The following PCNA variants were observed in gnomAD, a reference collection of about 807,000 sequenced individuals.
PCNA encodes the protein DNA sliding clamp PCNA.
Under a neutral mutation model 27.8 loss-of-function variants are expected in PCNA, and 4 were observed. That is an observed-to-expected ratio of 0.14 (90% CI 0.07 to 0.33). The LOEUF is 0.33. Among genes scored for constraint, PCNA ranks in the 10% least tolerant of loss-of-function variants. The pLI is 1.00. For missense variants in PCNA, 165 were observed against 327.4 expected (o/e 0.50, Z 3.83); for synonymous variants, 121 against 119.4 (o/e 1.01, Z -0.09).
chr20:5,120,797 AT>A (rs932431237), upstream of PCNA, among the ~76,000 whole-genome samples: 1 of 152,012 alleles, frequency 6.6e-6, no homozygotes, highest in African/African-American at 2.4e-5. Context: ...CACATTTAAT[AT>A]TTTTTCTTTT....
chr20:5,122,538 A>G (rs546092153), upstream of PCNA, among the ~76,000 whole-genome samples: 3 of 152,336 alleles, frequency 2.0e-5, no homozygotes, highest in East Asian at 3.8e-4. Flanking sequence ...CTCATTTGTA[A>G]GTTTTGATGT....
At chr20:5,115,720 G>C in intron 4 of PCNA, 148 bp from the exon 5 acceptor site, 2 of 570,800 alleles carry the variant, frequency 3.5e-6, no homozygotes, top group Non-Finnish European at 3.0e-6. Context: ...TAAAGCAAAA[G>C]ACTCGATTAT....
At chr20:5,117,052 C>T (rs2090479975) in intron 4 of PCNA, among the ~76,000 whole-genome samples, 1 of 152,196 alleles carries the variant, frequency 6.6e-6, no homozygotes, top group African/African-American at 2.4e-5. Context: ...GGACCCACAA[C>T]ATGTAAGCTA....
Position 5,115,136 on chromosome 20 carries a change from GA to G in PCNA, c.*146del, listed in dbSNP as rs2090466376. On this transcript the variant is annotated 3_prime_UTR_variant, in exon 6 of 6. Coordinates refer to ENST00000379143, the MANE Select transcript of PCNA (RefSeq NM_182649.2). ...CTTTAAACAAATTGCAGAGAATAGA[GA>G]AAAAAATAGGTTATTTACAGAAAAC... 3.4e-6 allele frequency: 2 copies of G among 591,742 alleles called. No homozygotes were observed. The highest frequency in any genetic ancestry group is 1.9e-5 in the African/African-American group (1 of 53,362). The allele number at this position is 591,742 out of a possible 1,614,324, so 36.7% of individuals were successfully genotyped here. A position where few individuals can be genotyped will look rare whatever the true frequency, so the allele number is the denominator to read the frequency against.
chr20:5,122,734 A>G (rs897104425), upstream of PCNA, among the ~76,000 whole-genome samples: 1 of 152,268 alleles, frequency 6.6e-6, no homozygotes, highest in Admixed American at 6.5e-5. Flanking sequence ...CTAAAAACAA[A>G]TGCATATGCT....
rs113108595 is a variant in PCNA, at chr20:5,119,493, A to G, written c.221+85T>C. 445 of 1,115,412 alleles carry G rather than the reference A, an allele frequency of 4.0e-4. 1 individual carries two copies. In the African/African-American group the frequency reaches 6.3e-3, roughly 16 times the overall value. 69.1% of individuals were successfully genotyped at this position (1,115,412 alleles called of 1,614,324 possible). ...AGGCGCGGATGGCCCACGCCAGCCA[A>G]TGAGGGCTAGGCTCGAAAGCGCTCC... is the stretch of plus-strand genomic sequence containing the variant. On this transcript the variant is annotated intron_variant, in intron 1 of 5. Transcript: ENST00000379143.
At chr20:5,125,197 G>A (rs747100835) in intron 1 of PCNA, among the ~76,000 whole-genome samples, 2 of 152,146 alleles carry the variant, frequency 1.3e-5, no homozygotes, top group Non-Finnish European at 2.9e-5. Flanking sequence ...AAAGTTAGCT[G>A]GGTGTGGTGC....
upstream of PCNA, among the ~76,000 whole-genome samples, chr20:5,121,134 A>G (rs570097617): frequency 7.2e-5 from 11 of 152,184 alleles, no homozygotes; most frequent in South Asian, 2.1e-4. Context: ...GAAATTTTCA[A>G]TTGTTACAGG....
chr20:5,119,828 G>C lies in PCNA; in HGVS notation c.-30C>G. ...GCGGAGTGGCAACAACGCCGCTACA[G>C]GCAGGCGGGAAGGAGGAAAGTCTAG... On this transcript the variant is annotated 5_prime_UTR_variant, in exon 1 of 6. Coordinates refer to ENST00000379143, the MANE Select transcript of PCNA (RefSeq NM_182649.2). 1.3e-6 allele frequency: 2 copies of C among 1,520,702 alleles called. No individual in the cohort carries two copies. Among genetic ancestry groups the C allele is most frequent in the Non-Finnish European group, 1.8e-6 (2 of 1,120,292 alleles). 94.2% of individuals were successfully genotyped at this position (1,520,702 alleles called of 1,614,324 possible).
chr20:5,116,547 G>C (rs2122896547), intron 4 of PCNA, among the ~76,000 whole-genome samples: 2 of 152,330 alleles, frequency 1.3e-5, no homozygotes, highest in Admixed American at 1.3e-4. Context: ...GCCACACACA[G>C]CATATGCTAA....
chr20:5,126,102 C>T (rs2090546197), intron 1 of PCNA, among the ~76,000 whole-genome samples: 1 of 152,138 alleles, frequency 6.6e-6, no homozygotes, highest in South Asian at 2.1e-4. Context: ...GGCGTGGTGG[C>T]GCGCACCTTG....
In PCNA at chr20:5,117,467, T is replaced by C; in HGVS notation, c.582+3A>G. 3 of 1,604,098 alleles carry C rather than the reference T, an allele frequency of 1.9e-6. No individual in the cohort carries two copies. The highest frequency in any genetic ancestry group is 2.6e-6 in the Non-Finnish European group (3 of 1,173,374). On this transcript the variant is annotated splice_donor_region_variant and intron_variant, in intron 4 of 5. Coordinates refer to ENST00000379143, the MANE Select transcript of PCNA (RefSeq NM_182649.2). ...ATTTTCTTTTTACTTAAAAACTACT[T>C]ACAGCTTCCTCCTCTTTATCGACAT...
chr20:5,120,655 T>C (rs978491456), upstream of PCNA, among the ~76,000 whole-genome samples: 1 of 152,224 alleles, frequency 6.6e-6, no homozygotes, highest in South Asian at 2.1e-4. Context: ...AGTACCTCTT[T>C]AAAACATAGC....
At chr20:5,122,356 A>G (rs1302454435), upstream of PCNA, among the ~76,000 whole-genome samples, 2 of 152,222 alleles carry the variant, frequency 1.3e-5, no homozygotes, top group African/African-American at 4.8e-5. Flanking sequence ...AACATGAAAA[A>G]ATTTAAGCTA....
chr20:5,117,207 T>A (rs2090481009), intron 4 of PCNA, among the ~76,000 whole-genome samples: 1 of 152,216 alleles, frequency 6.6e-6, no homozygotes, highest in Admixed American at 6.5e-5. Flanking sequence ...AACTTCCCAA[T>A]CCTACCCTTA....
intron 1 of PCNA, among the ~76,000 whole-genome samples, 191 bp from the exon 2 acceptor site, chr20:5,119,057 A>C (rs983290897): frequency 1.3e-5 from 2 of 152,138 alleles, no homozygotes; most frequent in Non-Finnish European, 2.9e-5. Flanking sequence ...ATTTATACTA[A>C]AATACCACCA....
At chr20:5,120,635 TTATCA>T (rs1262770208), upstream of PCNA, among the ~76,000 whole-genome samples, 1 of 152,188 alleles carries the variant, frequency 6.6e-6, no homozygotes, top group Non-Finnish European at 1.5e-5. Flanking sequence ...CGTACATCTT[TTATCA>T]TATCAGTACC....
At chr20:5,126,520 G>A (rs561405037) in exon 1 of PCNA, 3 of 152,392 alleles carry the variant, frequency 2.0e-5, no homozygotes, top group African/African-American at 7.2e-5. Flanking sequence ...GAAGAGCTCT[G>A]GCCCAGGTCA....
chr20:5,117,371 G>A, intron 4 of PCNA, 99 bp downstream of exon 4: 1 of 778,176 alleles, frequency 1.3e-6, no homozygotes, highest in South Asian at 1.9e-5. Context: ...GAAATTACTT[G>A]GGATCCAATT....
Sources: gnomAD v4.1 joint callset for allele counts (sites outside exome capture counted in the v4.1 genomes callset) on GRCh38, gnomAD v4.1.1 for gene constraint, MANE v1.5 for transcripts, NCBI Gene and HGNC (gene_info 2026-07-23, HGNC 2026-07-21) for gene names.